CAST: variants seen among roughly 807,000 people sequenced by gnomAD.
The protein encoded by CAST is calpastatin.
CAST carries 76 observed loss-of-function variants against 119.6 expected under a neutral mutation model. The observed-to-expected ratio is 0.64, with a 90% CI of 0.53 to 0.77. The LOEUF (loss-of-function observed/expected upper bound fraction) is 0.77. Among genes scored for constraint, CAST ranks in the 30% least tolerant of loss-of-function variants. CAST has a pLI of 0.00. For synonymous variants in CAST, 319 were observed against 331.6 expected (o/e 0.96, Z 0.41); for missense variants, 953 against 946.5 (o/e 1.01, Z -0.09).
chr5:96,097,299 T>G, the CAST span, among the ~76,000 whole-genome samples: 2 of 151,700 alleles, frequency 1.3e-5, no homozygotes, highest in African/African-American at 4.8e-5. Flanking sequence ...AGTTCTTAAT[T>G]GGGATTTCAA....
chr5:96,397,433 T>C, the CAST span: 8 of 1,612,602 alleles, frequency 5.0e-6, no homozygotes, highest in Admixed American at 1.7e-5. Flanking sequence ...AGGAGATGTA[T>C]CCCGTTCTCT....
chr5:96,290,171 C>A, the CAST span, among the ~76,000 whole-genome samples: 1 of 152,172 alleles, frequency 6.6e-6, no homozygotes, highest in Non-Finnish European at 1.5e-5. Context: ...CTCAAAGTCT[C>A]ATTCTTCTGT....
At chr5:96,021,365 A>G in the CAST span, among the ~76,000 whole-genome samples, 1 of 152,206 alleles carries the variant, frequency 6.6e-6, no homozygotes, top group African/African-American at 2.4e-5. Context: ...GCATGCCCAC[A>G]AGAAACCAGC....
chr5:96,238,601 C>T, the CAST span, among the ~76,000 whole-genome samples: 5 of 149,220 alleles, frequency 3.4e-5, no homozygotes, highest in Admixed American at 1.3e-4. Context: ...TGTTTCACCA[C>T]GTTGGCCAGG....
chr5:96,163,298 A>G, the CAST span, among the ~76,000 whole-genome samples: 1 of 152,114 alleles, frequency 6.6e-6, no homozygotes, highest in Non-Finnish European at 1.5e-5. Flanking sequence ...CAGTCCAGCT[A>G]AAGTTTTCCT....
intron 27 of CAST, among the ~76,000 whole-genome samples, chr5:96,767,120 A>G (rs1770286070): frequency 6.6e-6 from 1 of 152,238 alleles, no homozygotes. Flanking sequence ...GTAAAAACAC[A>G]AGTAACTTTT....
At chr5:96,637,621 C>A (rs1747902563) in intron 1 of CAST, among the ~76,000 whole-genome samples, 1 of 152,120 alleles carries the variant, frequency 6.6e-6, no homozygotes. Flanking sequence ...ATCATGTTAC[C>A]AACTCTTAAG....
the CAST span, among the ~76,000 whole-genome samples, chr5:96,066,565 A>G: frequency 2.0e-5 from 3 of 151,952 alleles, no homozygotes; most frequent in South Asian, 2.1e-4. Context: ...TTCAGCCCAT[A>G]TAAGTTTTCC....
chr5:96,300,513 A>G, the CAST span, among the ~76,000 whole-genome samples: 1 of 151,656 alleles, frequency 6.6e-6, no homozygotes, highest in Non-Finnish European at 1.5e-5. Flanking sequence ...TTTGTAGTAC[A>G]GTTTGAAATC....
At chr5:96,572,957 G>A (rs1284923905) in intron 1 of CAST, among the ~76,000 whole-genome samples, 1 of 152,198 alleles carries the variant, frequency 6.6e-6, no homozygotes, top group Non-Finnish European at 1.5e-5. Context: ...TAACAAGTGT[G>A]TTCACAACAA....
At chr5:96,668,709 T>C (rs1269497406) in intron 1 of CAST, among the ~76,000 whole-genome samples, 1 of 152,166 alleles carries the variant, frequency 6.6e-6, no homozygotes, top group Admixed American at 6.5e-5. Context: ...ATCTAGGCTG[T>C]TTCTGCCCTA....
At chr5:96,067,349 A>G in the CAST span, among the ~76,000 whole-genome samples, 1 of 152,180 alleles carries the variant, frequency 6.6e-6, no homozygotes, top group Admixed American at 6.5e-5. Flanking sequence ...ACATGTTTTA[A>G]ATAATGCAAT....
In CAST at chr5:96,534,736, AG is replaced by A. The variant is rs1745756777; in HGVS notation, c.60+4857del. 1.4e-4 allele frequency among the ~76,000 whole-genome samples: 3 copies of A among 20,806 alleles called. 1 individual carries two copies. Among genetic ancestry groups the A allele is most frequent in the African/African-American group, 3.2e-4 (2 of 6,254 alleles). 13.6% of individuals were successfully genotyped at this position (20,806 alleles called of 152,430 possible). A position where few individuals can be genotyped will look rare whatever the true frequency, so the allele number is the denominator to read the frequency against. On this transcript the variant is annotated intron_variant, in intron 1 of 11. Transcript: ENST00000505143. ...GAAGGAGAGAGAGAGAGAGAGAGAG[AG>A]AGAGAAAGAAAGAAAGAAAGAAAGA...
chr5:96,714,273 A>G (rs1196655389), intron 3 of CAST, among the ~76,000 whole-genome samples: 1 of 152,224 alleles, frequency 6.6e-6, no homozygotes, highest in Admixed American at 6.5e-5. Flanking sequence ...CCTCAGGTCT[A>G]TGGGACTCCA....
the CAST span, among the ~76,000 whole-genome samples, chr5:96,282,952 A>G: frequency 6.6e-6 from 1 of 150,858 alleles, no homozygotes; most frequent in Admixed American, 6.6e-5. Flanking sequence ...ACACGGTGAA[A>G]CCCTGTCTCT....
At chr5:96,294,413 G>C in the CAST span, among the ~76,000 whole-genome samples, 1 of 152,154 alleles carries the variant, frequency 6.6e-6, no homozygotes, top group Admixed American at 6.5e-5. Context: ...GAACCCTATG[G>C]CATAGAGTTT....
At chr5:95,964,878 A>G in the CAST span, 1 of 151,526 alleles carries the variant, frequency 6.6e-6, no homozygotes, top group Non-Finnish European at 1.5e-5. Flanking sequence ...AGTGCAGGAA[A>G]AAGGCTAAAA....
the CAST span, among the ~76,000 whole-genome samples, chr5:96,039,255 T>C: frequency 6.6e-6 from 1 of 152,214 alleles, no homozygotes. Flanking sequence ...TTAAATTCTT[T>C]GTAGATTCTG....
chr5:96,029,387 C>T, the CAST span, among the ~76,000 whole-genome samples: 1 of 151,834 alleles, frequency 6.6e-6, no homozygotes, highest in Non-Finnish European at 1.5e-5. Flanking sequence ...TTTTAAAACT[C>T]ATAAAATGTA....
Sources: allele counts gnomAD v4.1 joint callset (sites outside exome capture counted in the v4.1 genomes callset), GRCh38; gene constraint gnomAD v4.1.1; transcripts MANE v1.5; gene names NCBI Gene and HGNC (gene_info 2026-07-23, HGNC 2026-07-21).